AGRN: variants seen among roughly 807,000 people sequenced by gnomAD.
The protein encoded by AGRN is agrin proteoglycan.
A neutral mutation model predicts 211.0 loss-of-function variants in AGRN; 106 were observed. That is an observed-to-expected ratio of 0.50 (90% CI 0.43 to 0.59). The LOEUF is 0.59. AGRN is among the 20% of genes least tolerant of loss of function. AGRN has a pLI of 0.00. For synonymous variants in AGRN, 1,525 were observed against 1,332.5 expected (o/e 1.14, Z -3.15); for missense variants, 3,040 against 2,982.6 (o/e 1.02, Z -0.45).
At chr1:1,035,445 A>G in intron 3 of AGRN, 121 bp downstream of exon 3, 1 of 1,343,774 alleles carries the variant, frequency 7.4e-7, no homozygotes. Flanking sequence ...AGGCTGGACA[A>G]GGGCACCTGC....
chr1:1,020,985 T>G (rs1426859196), intron 1 of AGRN, among the ~76,000 whole-genome samples: 3 of 151,934 alleles, frequency 2.0e-5, no homozygotes, highest in Admixed American at 2.0e-4. Flanking sequence ...TTTCCCTGGT[T>G]TCTCCTTCAG....
chr1:1,051,410 G>A, intron 31 of AGRN, 41 bp downstream of exon 31: 2 of 1,543,368 alleles, frequency 1.3e-6, no homozygotes, highest in Non-Finnish European at 1.7e-6. Flanking sequence ...CTCCGGGGCG[G>A]GCGGGGTGGC....
Position 1,044,253 on chromosome 1 carries a change from G to T in AGRN, c.2144G>T (p.Ser715Ile). ...TTCAGCTGCCAGAGTGTCCCAGGCA[G>T]CCCGGTGAGCTCTGTACCCCTGGCT... ...CDFSCQSVPG[S>I]PVCGSDGVTY... Residue 715 changes from serine to isoleucine, a missense_variant, in exon 11 of 36, where the codon AGC (serine) becomes ATC (isoleucine). Around this residue, in one of 3 missense-constraint regions of AGRN, gnomAD observed 1,498 missense variants for 1,457.8 expected, o/e 1.03. Transcript: ENST00000379370. The T allele has an allele frequency of 6.2e-7, 1 of 1,612,844 alleles. No homozygotes were observed. Among genetic ancestry groups the T allele is most frequent in the Non-Finnish European group, 8.5e-7 (1 of 1,179,882 alleles).
rs766736643 is a variant in AGRN, at chr1:1,048,855, C to T, written c.4106-12C>T. The T allele has an allele frequency of 1.4e-5, 22 of 1,528,540 alleles. No homozygotes were observed. The highest frequency in any genetic ancestry group is 6.0e-5 in the South Asian group (5 of 83,442). 94.7% of individuals were successfully genotyped at this position (1,528,540 alleles called of 1,614,324 possible). A position where few individuals can be genotyped will look rare whatever the true frequency, so the allele number is the denominator to read the frequency against. On this transcript the variant is annotated splice_polypyrimidine_tract_variant and intron_variant, in intron 23 of 35. Transcript: ENST00000379370. The surrounding 1 kb of genome is among the most constrained non-coding windows in gnomAD (Gnocchi z 5.9). ...AGCTTTTCCAGCCGGCCCTCCCGGT[C>T]GCCCTTTGCAGTGCTTGGCGCCCCT...
chr1:1,054,765 G>A (rs1028915068), intron 35 of AGRN, 59 bp from the exon 36 acceptor site: 105 of 1,534,194 alleles, frequency 6.8e-5, no homozygotes, highest in Non-Finnish European at 8.6e-5. Flanking sequence ...CCTGCTCGTT[G>A]GGGTGCCCAT....
In AGRN at chr1:1,036,753, GC is replaced by G. The variant is rs201257403; in HGVS notation, c.511+1430del. Among the ~76,000 whole-genome samples, 1,435 of 152,258 alleles carry G rather than the reference GC, an allele frequency of 9.4e-3. 14 individuals carry two copies. The highest frequency in any genetic ancestry group is 0.016 in the Non-Finnish European group (1,111 of 68,000). On this transcript the variant is annotated intron_variant, in intron 3 of 35. Transcript: ENST00000379370. ...AGGCTGTTCCTATGAGATCCCAAAG[GC>G]TCCTCAGAGCACCAGGCTTCTCTTG...
chr1:1,020,848 G>GGA (rs1553170874), intron 1 of AGRN, among the ~76,000 whole-genome samples: 1 of 12,298 alleles, frequency 8.1e-5, no homozygotes, highest in South Asian at 7.1e-3. Context: ...GCAGTGGTGC[G>GGA]GGGGGGGGGC....
intron 26 of AGRN, 49 bp downstream of exon 26, chr1:1,049,844 G>A (rs1307186750): frequency 1.2e-6 from 2 of 1,611,122 alleles, no homozygotes; most frequent in Admixed American, 1.7e-5. Context: ...GGGCCTGTGG[G>A]CGGTACCCAA....
At chr1:1,044,536 T>A in intron 12 of AGRN, 97 bp downstream of exon 12, 3 of 1,233,792 alleles carry the variant, frequency 2.4e-6, no homozygotes, top group Non-Finnish European at 3.4e-6. Flanking sequence ...GTTGGGCCCC[T>A]GTGGACGTGT....
chr1:1,054,033 C>A (rs1466502875), intron 34 of AGRN, 56 bp downstream of exon 34: 1 of 1,521,600 alleles, frequency 6.6e-7, no homozygotes, highest in Non-Finnish European at 8.9e-7. Context: ...CAGACTTGCC[C>A]AGCTGGGCTG....
rs1570124541 is a variant in AGRN, at chr1:1,020,266, C to T, written c.94C>T (p.Pro32Ser). 3 of 1,467,900 alleles carry T rather than the reference C, an allele frequency of 2.0e-6. No homozygotes were observed. Among genetic ancestry groups the T allele is most frequent in the Non-Finnish European group, 2.7e-6 (3 of 1,109,916 alleles). 90.9% of individuals were successfully genotyped at this position (1,467,900 alleles called of 1,614,324 possible). The change falls in exon 1 of 36, where the codon CCG (proline) becomes TCG (serine). Residue 32 changes from proline to serine, a missense_variant. Physicochemically the swap from Pro to Ser is moderately conservative, Grantham distance 74. Transcript: ENST00000379370. Reference sequence around the variant, plus strand: ...CCTGCCCGGAGCCGGCGGGACATGCCCGGAGCGCGCGCTGGAGCGGCGCGA... The same window carrying T: ...CCTGCCCGGAGCCGGCGGGACATGCTCGGAGCGCGCGCTGGAGCGGCGCGA... ...CVLPGAGGTC[P>S]ERALERREEE...
At chr1:1,035,910 C>G (rs560555125) in intron 3 of AGRN, among the ~76,000 whole-genome samples, 6 of 152,046 alleles carry the variant, frequency 3.9e-5, no homozygotes, top group African/African-American at 1.4e-4. Context: ...CTGTCCTCCC[C>G]GGGGTGCTCC....
Position 1,051,712 on chromosome 1 carries a change from C to A in AGRN, c.5564-16C>A. On this transcript the variant is annotated splice_polypyrimidine_tract_variant and intron_variant, in intron 32 of 35. Transcript: ENST00000379370. ...CGGAGCCCACGAGGCCCCACCCTCA[C>A]CTGCCTATCTCACAGGGCTGGTGGA... The A allele has an allele frequency of 1.2e-6, 2 of 1,613,550 alleles. No individual in the cohort carries two copies. Among genetic ancestry groups the A allele is most frequent in the Non-Finnish European group, 1.7e-6 (2 of 1,179,970 alleles).
At chr1:1,020,465 C>A in intron 1 of AGRN, 92 bp downstream of exon 1, 1 of 1,244,310 alleles carries the variant, frequency 8.0e-7, no homozygotes, top group Admixed American at 3.0e-5. Context: ...CCCGGTCGCT[C>A]CGCAGCCCCC....
intron 2 of AGRN, among the ~76,000 whole-genome samples, chr1:1,026,474 T>A (rs892385066): frequency 1.3e-5 from 2 of 152,166 alleles, no homozygotes; most frequent in Admixed American, 6.5e-5. Flanking sequence ...GCCAGGCCCA[T>A]GCAGCTTCCT....
chr1:1,049,824 T>A, intron 26 of AGRN, 29 bp downstream of exon 26: 1 of 1,607,230 alleles, frequency 6.2e-7, no homozygotes, highest in Non-Finnish European at 8.5e-7. Context: ...CGGGTGGGAG[T>A]GGGACCCCGG....
intron 3 of AGRN, 129 bp downstream of exon 3, chr1:1,035,453 TGCGTC>T: frequency 7.7e-7 from 1 of 1,293,240 alleles, no homozygotes; most frequent in Non-Finnish European, 1.1e-6. Flanking sequence ...CAAGGGCACC[TGCGTC>T]TGTCCTGGGA....
intron 1 of AGRN, 79 bp from the exon 2 acceptor site, chr1:1,022,122 G>A: frequency 2.6e-6 from 4 of 1,565,690 alleles, no homozygotes; most frequent in Non-Finnish European, 3.5e-6. Flanking sequence ...GTGGACATTT[G>A]CCCTAAACAC....
At chr1:1,028,273 G>A (rs1235482248) in intron 2 of AGRN, among the ~76,000 whole-genome samples, 2 of 151,010 alleles carry the variant, frequency 1.3e-5, no homozygotes, top group East Asian at 3.9e-4. Context: ...TTCCTGCCTC[G>A]GAGCTGCCGT....
Sources: allele counts gnomAD v4.1 joint callset (sites outside exome capture counted in the v4.1 genomes callset), GRCh38; gene constraint gnomAD v4.1.1; regional missense constraint gnomAD v4.1.1; non-coding constraint Gnocchi (gnomAD v3.1); transcripts MANE v1.5; gene names NCBI Gene and HGNC (gene_info 2026-07-23, HGNC 2026-07-21).